EIF4G3: variants seen among roughly 807,000 people sequenced by gnomAD.
EIF4G3 encodes eIF-4-gamma 3.
A neutral mutation model predicts 186.4 loss-of-function variants in EIF4G3; 34 were observed. The observed-to-expected ratio is 0.18, with a 90% CI of 0.14 to 0.24. The LOEUF (loss-of-function observed/expected upper bound fraction) is 0.24. Among genes scored for constraint, EIF4G3 ranks in the 10% least tolerant of loss-of-function variants. EIF4G3 has a pLI of 1.00. For missense variants in EIF4G3, 1,536 were observed against 1,948.5 expected, an observed-to-expected ratio of 0.79 and a Z score of 3.99; for synonymous variants, 673 against 679.5, an observed-to-expected ratio of 0.99 and a Z score of 0.15.
chr1:21,000,343 T>G (rs2083225393), intron 6 of EIF4G3, among the ~76,000 whole-genome samples: 1 of 152,108 alleles, frequency 6.6e-6, no homozygotes, highest in African/African-American at 2.4e-5. Context: ...CAAAGGCAGC[T>G]GTCCAGGGAA....
rs891405148 is a variant in EIF4G3 at position 21,138,094 on chromosome 1, T to C, written c.-272+38081A>G. Among the ~76,000 whole-genome samples, 12 of 152,242 alleles carry C rather than the reference T, an allele frequency of 7.9e-5. No individual in the cohort carries two copies. In the South Asian group the frequency reaches 1.7e-3, roughly 21 times the overall value. ...CTTTTGCACTGAATTACACTAGAAA[T>C]AGCCCAGGTAACACAGTTCATCAAA... On this transcript the variant is annotated intron_variant, in intron 2 of 36. Transcript: ENST00000602326.
At chr1:21,128,697 C>T (rs1020876435) in intron 2 of EIF4G3, among the ~76,000 whole-genome samples, 6 of 152,054 alleles carry the variant, frequency 3.9e-5, no homozygotes, top group African/African-American at 9.7e-5. Context: ...TTAATATTTT[C>T]TCAATGCCTT....
intron 16 of EIF4G3, 55 bp downstream of exon 16, chr1:20,899,642 C>T: frequency 6.3e-7 from 1 of 1,583,722 alleles, no homozygotes. Context: ...CAACATTTCT[C>T]TAAGGTTGCA....
At chr1:21,095,106 T>C (rs1428155917) in intron 2 of EIF4G3, among the ~76,000 whole-genome samples, 1 of 152,166 alleles carries the variant, frequency 6.6e-6, no homozygotes, top group Non-Finnish European at 1.5e-5. Flanking sequence ...GTTATGTATA[T>C]TACTTAACAC....
intron 12 of EIF4G3, among the ~76,000 whole-genome samples, chr1:20,966,380 A>G (rs1201744854): frequency 1.3e-5 from 2 of 152,110 alleles, no homozygotes; most frequent in Non-Finnish European, 1.5e-5. Flanking sequence ...GCAGATTGCT[A>G]TTTTGTTAAG....
intron 2 of EIF4G3, among the ~76,000 whole-genome samples, chr1:21,108,723 G>A (rs1310501243): frequency 1.3e-5 from 2 of 151,386 alleles, no homozygotes; most frequent in Non-Finnish European, 2.9e-5. Context: ...GGCCAACATG[G>A]CAAAACCCCG....
intron 2 of EIF4G3, among the ~76,000 whole-genome samples, chr1:21,159,668 A>G (rs2097726271): frequency 6.6e-6 from 1 of 152,136 alleles, no homozygotes; most frequent in African/African-American, 2.4e-5. Context: ...TGAACCCATG[A>G]GGTGGAGGCT....
At chr1:20,859,182 T>G (rs551932985) in intron 24 of EIF4G3, among the ~76,000 whole-genome samples, 1 of 152,364 alleles carries the variant, frequency 6.6e-6, no homozygotes, top group East Asian at 1.9e-4. Flanking sequence ...TCCACTTGTC[T>G]GGCACTTTTC....
At chr1:21,062,168 CTCGT>C (rs1308815448) in intron 3 of EIF4G3, among the ~76,000 whole-genome samples, 2 of 152,156 alleles carry the variant, frequency 1.3e-5, no homozygotes, top group South Asian at 2.1e-4. Flanking sequence ...AAGCAATCCT[CTCGT>C]TTCAGCCTCC....
chr1:20,840,917 C>T lies in EIF4G3; in HGVS notation c.4000G>A (p.Gly1334Ser). 1.2e-6 allele frequency: 2 copies of T among 1,614,006 alleles called. No individual in the cohort carries two copies. Among genetic ancestry groups the T allele is most frequent in the South Asian group, 1.1e-5 (1 of 91,078 alleles). ...ERSQITRDHMGQLLYQLVQSE... is the reference protein window; with the variant it reads ...ERSQITRDHMSQLLYQLVQSE... ...TGTACCAGCTGATAGAGTAATTGGCCCATGTGATCCCTGGTGATCTGGCTC... is the reference window on the plus strand; with the variant it reads ...TGTACCAGCTGATAGAGTAATTGGCTCATGTGATCCCTGGTGATCTGGCTC... The change falls in exon 30 of 37, where the codon GGC becomes AGC. Residue 1334 changes from glycine (G) to serine (S), a missense_variant. By Grantham distance (56) the Gly-to-Ser change is moderately conservative. Transcript: ENST00000602326.
At chr1:20,933,587 G>A (rs1022472489) in intron 14 of EIF4G3, among the ~76,000 whole-genome samples, 3 of 151,960 alleles carry the variant, frequency 2.0e-5, no homozygotes, top group East Asian at 1.9e-4. Context: ...CCTGGGAGGC[G>A]GAAGGTTGCA....
chr1:21,095,982 G>A (rs2096359206), intron 2 of EIF4G3, among the ~76,000 whole-genome samples: 1 of 152,230 alleles, frequency 6.6e-6, no homozygotes. Flanking sequence ...CACATTTTTA[G>A]TTCTACAACA....
intron 4 of EIF4G3, among the ~76,000 whole-genome samples, chr1:21,041,150 T>C (rs2093555776): frequency 6.6e-6 from 1 of 152,212 alleles, no homozygotes; most frequent in African/African-American, 2.4e-5. Flanking sequence ...AGTCCAGATG[T>C]CTTATCACAT....
In EIF4G3 at chr1:20,904,917, C is replaced by A. The variant is rs146673611; in HGVS notation, c.1718G>T (p.Arg573Leu). Residue 573 changes from arginine (R) to leucine (L), a missense_variant, in exon 15 of 37, where the codon CGA becomes CTA. By Grantham distance (102) the Arg-to-Leu change is moderately radical (BLOSUM62 -2). Coordinates refer to ENST00000602326, the MANE Select transcript of EIF4G3 (RefSeq NM_001391906.1). ...KTWKKPKDRT[R>L]TTEEMLEAEL... The stretch of plus-strand genomic sequence containing the variant: ...TGCCTCTAACATCTCTTCAGTGGTT[C>A]GGGTCCGATCTTTTGGTTTCTTCCA... 5 of 1,613,868 alleles carry A rather than the reference C, an allele frequency of 3.1e-6. No homozygotes were observed. The highest frequency in any genetic ancestry group is 1.1e-5 in the South Asian group (1 of 91,060).
At chr1:20,809,736 G>C (rs1243242930) in intron 36 of EIF4G3, among the ~76,000 whole-genome samples, 4 of 152,126 alleles carry the variant, frequency 2.6e-5, no homozygotes, top group Non-Finnish European at 5.9e-5. Flanking sequence ...CAATATGGAA[G>C]CTATTAGTCA....
intron 2 of EIF4G3, among the ~76,000 whole-genome samples, chr1:21,107,002 C>A (rs565890273): frequency 4.2e-4 from 64 of 152,210 alleles, no homozygotes; most frequent in African/African-American, 1.5e-3. Context: ...GTACTCTATA[C>A]AATATATTGC....
In EIF4G3 at chr1:20,880,374, C is replaced by T. The variant is rs1288352902; in HGVS notation, c.2425-854G>A. On this transcript the variant is annotated intron_variant, in intron 19 of 36. Transcript: ENST00000602326. ...CAAAATGCAAACATCAACTGCTTTT[C>T]TATGTATTAGCAATAAATAACCAGA... Among the ~76,000 whole-genome samples the T allele has an allele frequency of 2.6e-5, 4 of 152,158 alleles. No individual in the cohort carries two copies. In the East Asian group the frequency reaches 7.7e-4, roughly 29 times the overall value.
chr1:21,083,037 C>CAAAAAAAAAAAAAAAAAAAAAAAAA (rs544781256), intron 3 of EIF4G3, among the ~76,000 whole-genome samples: 1 of 66,432 alleles, frequency 1.5e-5, no homozygotes, highest in Non-Finnish European at 2.5e-5. Context: ...GACTCTGTCT[C>CAAAAAAAAAAAAAAAAAAAAAAAAA]AAAAAAAAAA....
intron 9 of EIF4G3, 120 bp downstream of exon 9, chr1:20,980,928 A>G: frequency 1.3e-6 from 1 of 746,692 alleles, no homozygotes; most frequent in East Asian, 2.9e-5. Flanking sequence ...GTAACCAACA[A>G]AACAGTTCAC....
Sources: gnomAD v4.1 joint callset for allele counts (sites outside exome capture counted in the v4.1 genomes callset) on GRCh38, gnomAD v4.1.1 for gene constraint, MANE v1.5 for transcripts, NCBI Gene and HGNC (gene_info 2026-07-23, HGNC 2026-07-21) for gene names.